The following OPCML variants were observed in gnomAD, a reference collection of about 807,000 sequenced individuals.
The protein encoded by OPCML is opioid binding protein/cell adhesion molecule like.
A neutral mutation model predicts 37.8 loss-of-function variants in OPCML; 13 were observed. The observed-to-expected ratio is 0.34, with a 90% confidence interval of 0.22 to 0.55. OPCML has a LOEUF of 0.55. OPCML is among the 20% of genes least tolerant of loss of function. The pLI, the probability that OPCML is intolerant of heterozygous loss-of-function variation, is 0.91. For synonymous variants in OPCML, 176 were observed against 168.8 expected, an observed-to-expected ratio of 1.04 and a Z score of -0.33; for missense variants, 341 against 435.6, an observed-to-expected ratio of 0.78 and a Z score of 1.93.
intron 2 of OPCML, among the ~76,000 whole-genome samples, chr11:132,895,360 T>C (rs1943799167): frequency 6.6e-6 from 1 of 152,242 alleles, no homozygotes; most frequent in African/African-American, 2.4e-5. Context: ...TGAGTTCAGG[T>C]ATTCCATTTC....
intron 4 of OPCML, among the ~76,000 whole-genome samples, chr11:132,492,579 C>G (rs1341142521): frequency 6.6e-6 from 1 of 151,910 alleles, no homozygotes; most frequent in Non-Finnish European, 1.5e-5. Flanking sequence ...TGAGAAGGGG[C>G]CAGGAAATTC....
At chr11:133,083,093 C>T (rs186030132) in intron 1 of OPCML, among the ~76,000 whole-genome samples, 1,676 of 152,164 alleles carry the variant, frequency 0.011, 14 homozygotes, top group Non-Finnish European at 0.017. Context: ...TGCGCCCCGA[C>T]GGCACCCGTG....
chr11:132,912,718 G>T (rs530198519), intron 2 of OPCML, among the ~76,000 whole-genome samples: 5 of 152,234 alleles, frequency 3.3e-5, no homozygotes, highest in Non-Finnish European at 7.4e-5. Flanking sequence ...CCTAACTGGG[G>T]TTGCTTTTTG....
At position 132,763,325 on chromosome 11, in the gene OPCML, A is replaced by G. The variant is rs866635430; in HGVS notation, c.147-106006T>C. Among the ~76,000 whole-genome samples the G allele has an allele frequency of 4.6e-5, 7 of 152,294 alleles. No individual in the cohort carries two copies. The South Asian group carries it at 1.0e-3, about 23-fold the overall frequency. On this transcript the variant is annotated intron_variant, in intron 2 of 7. Transcript: ENST00000524381. ...GATTAAGTCATTTAATCTACTCAAT[A>G]CTAATTTCATTTTAGTAATAGTACT... is the stretch of plus-strand genomic sequence containing the variant.
chr11:133,062,788 T>C lies in OPCML; in HGVS notation c.62-119778A>G, dbSNP rs532947037. ...GCAACCCTGTCATTGATCCCAATCC[T>C]GATCACTGGACCCAAGCATCGTTCC... On this transcript the variant is annotated intron_variant, in intron 1 of 7. Transcript: ENST00000524381. Among the ~76,000 whole-genome samples, 11 of 152,348 alleles carry C rather than the reference T, an allele frequency of 7.2e-5. No individual in the cohort carries two copies. The East Asian group carries it at 2.1e-3, about 29-fold the overall frequency.
chr11:133,217,830 A>T (rs1939649136), intron 1 of OPCML, among the ~76,000 whole-genome samples: 1 of 152,120 alleles, frequency 6.6e-6, no homozygotes, highest in African/African-American at 2.4e-5. Flanking sequence ...AGTCTGGAGG[A>T]TTACTTGAGC....
At chr11:132,850,551 A>C (rs1368300131) in intron 2 of OPCML, among the ~76,000 whole-genome samples, 2 of 149,114 alleles carry the variant, frequency 1.3e-5, no homozygotes, top group African/African-American at 5.2e-5. Context: ...GTGTGTTTAC[A>C]CTTTAGTTCA....
intron 2 of OPCML, among the ~76,000 whole-genome samples, chr11:132,807,431 C>CA (rs1415258599): frequency 6.6e-6 from 1 of 152,108 alleles, no homozygotes; most frequent in Non-Finnish European, 1.5e-5. Flanking sequence ...TACTAAAAAT[C>CA]AAAAAGTTCC....
At chr11:132,425,030 C>A (rs966879068) in intron 7 of OPCML, among the ~76,000 whole-genome samples, 1 of 152,166 alleles carries the variant, frequency 6.6e-6, no homozygotes, top group Non-Finnish European at 1.5e-5. Context: ...CACAGCCAAG[C>A]TTCCTGGCTA....
chr11:132,710,276 CTA>C (rs548053690), intron 2 of OPCML, among the ~76,000 whole-genome samples: 1 of 152,020 alleles, frequency 6.6e-6, no homozygotes, highest in Non-Finnish European at 1.5e-5. Context: ...AAAAAAAAAT[CTA>C]TGATAGAATA....
At chr11:132,531,328 GGAGGCTCCAAGCCTGCAGACATGCT>G (rs2096324395) in intron 3 of OPCML, among the ~76,000 whole-genome samples, 1 of 152,202 alleles carries the variant, frequency 6.6e-6, no homozygotes, top group African/African-American at 2.4e-5. Context: ...CACAGAGAGT[GGAGGCTCCAAGCCTGCAGACATGCT>G]GATTTATTTG....
chr11:133,465,759 A>G (rs1946963879), intron 1 of OPCML, among the ~76,000 whole-genome samples: 1 of 152,138 alleles, frequency 6.6e-6, no homozygotes, highest in South Asian at 2.1e-4. Context: ...AGTTACCTCA[A>G]CTATGAAATG....
chr11:132,698,291 T>A (rs558524145), intron 2 of OPCML, among the ~76,000 whole-genome samples: 1 of 152,286 alleles, frequency 6.6e-6, no homozygotes, highest in East Asian at 1.9e-4. Context: ...TTTCTCCGCA[T>A]CCTCTCCAAC....
chr11:132,541,546 A>G (rs2096356630), intron 3 of OPCML, among the ~76,000 whole-genome samples: 1 of 146,032 alleles, frequency 6.8e-6, no homozygotes, highest in African/African-American at 2.5e-5. Context: ...AGCAACTCTC[A>G]TTTATTGAGA....
At chr11:132,810,269 A>T (rs1939265271) in intron 2 of OPCML, among the ~76,000 whole-genome samples, 1 of 152,234 alleles carries the variant, frequency 6.6e-6, no homozygotes. Context: ...TTCAAGTCTC[A>T]TTCTGCTCTG....
intron 7 of OPCML, among the ~76,000 whole-genome samples, chr11:132,433,724 C>T (rs970383483): frequency 1.3e-5 from 2 of 152,110 alleles, no homozygotes; most frequent in African/African-American, 4.8e-5. Context: ...TAGTTACTGT[C>T]CTTATCAGAA....
At chr11:133,320,105 C>T (rs1007482887) in intron 1 of OPCML, among the ~76,000 whole-genome samples, 2 of 152,318 alleles carry the variant, frequency 1.3e-5, no homozygotes, top group Admixed American at 6.5e-5. Flanking sequence ...GTTCTCATTT[C>T]ACCCGTTATT....
chr11:133,244,765 A>G (rs893672491), intron 1 of OPCML, among the ~76,000 whole-genome samples: 1 of 152,088 alleles, frequency 6.6e-6, no homozygotes, highest in African/African-American at 2.4e-5. Context: ...TTCTGCCACA[A>G]TTGTAAGTTT....
At chr11:132,477,305 G>T (rs1228251396) in intron 4 of OPCML, among the ~76,000 whole-genome samples, 2 of 152,202 alleles carry the variant, frequency 1.3e-5, no homozygotes, top group African/African-American at 4.8e-5. Flanking sequence ...GGTAGTTCCA[G>T]AAGTACACAG....
Sources: gnomAD v4.1 joint callset for allele counts (sites outside exome capture counted in the v4.1 genomes callset) on GRCh38, gnomAD v4.1.1 for gene constraint, MANE v1.5 for transcripts, NCBI Gene and HGNC (gene_info 2026-07-23, HGNC 2026-07-21) for gene names.